Variants in CCNE2 observed in about 807,000 individuals in gnomAD.
CCNE2 encodes the protein cyclin E2, also known as G1/S-specific cyclin-E2.
A neutral mutation model predicts 56.8 loss-of-function variants in CCNE2; 18 were observed. That is an observed-to-expected ratio of 0.32 (90% CI 0.22 to 0.47). The LOEUF (loss-of-function observed/expected upper bound fraction) is 0.47. Among genes scored for constraint, CCNE2 ranks in the 20% least tolerant of loss-of-function variants. The probability of loss-of-function intolerance (pLI) is 1.00; values close to 1 mark genes in which losing one functional copy is unlikely to be tolerated. For missense variants in CCNE2, 371 were observed against 467.1 expected, an observed-to-expected ratio of 0.79 and a Z score of 1.90; for synonymous variants, 139 against 149.2, an observed-to-expected ratio of 0.93 and a Z score of 0.50.
At chr8:94,896,211 C>T (rs976368884), upstream of CCNE2, among the ~76,000 whole-genome samples, 4 of 150,390 alleles carry the variant, frequency 2.7e-5, no homozygotes, top group Non-Finnish European at 6.0e-5. Context: ...GGGACCTGGC[C>T]GGGTGGGAAG....
chr8:94,891,789 A>G, intron 5 of CCNE2: 1 of 1,491,330 alleles, frequency 6.7e-7, no homozygotes, highest in Non-Finnish European at 9.2e-7. Flanking sequence ...GGGACTGGAC[A>G]CAAGGTTGGT....
At chr8:94,882,753 TAAG>T (rs1322398214) in intron 10 of CCNE2, 25 bp downstream of exon 10, 5 of 1,443,598 alleles carry the variant, frequency 3.5e-6, no homozygotes, top group Non-Finnish European at 4.9e-6. Flanking sequence ...TGTGAAAAGG[TAAG>T]AAGACAACAA....
intron 4 of CCNE2, among the ~76,000 whole-genome samples, chr8:94,893,245 C>T (rs1361836512): frequency 6.6e-6 from 1 of 151,272 alleles, no homozygotes; most frequent in Non-Finnish European, 1.5e-5. Flanking sequence ...CAAAATGCAT[C>T]TGCAGTCTAA....
At chr8:94,895,838 T>C (rs1817493808), upstream of CCNE2, 1 of 152,576 alleles carries the variant, frequency 6.6e-6, no homozygotes, top group African/African-American at 2.4e-5. Context: ...GGCTCTGCTC[T>C]CCCCAGTCCC....
rs756582945 is a variant in CCNE2 at position 94,883,574 on chromosome 8, AG to A, written c.832-683del. ...TCAAGAAAGATGAGGGGTGGTGGCT[AG>A]AAAGAGGCATGGTCTAGATTGGATC... On this transcript the variant is annotated intron_variant, in intron 9 of 11. Coordinates refer to ENST00000308108, the MANE Select transcript of CCNE2 (RefSeq NM_057749.3). The A allele has an allele frequency of 2.2e-4, 41 of 183,612 alleles. 1 individual carries two copies. The highest frequency in any genetic ancestry group is 7.5e-4 in the Admixed American group (14 of 18,612). 11.4% of individuals were successfully genotyped at this position (183,612 alleles called of 1,614,324 possible).
intron 7 of CCNE2, among the ~76,000 whole-genome samples, chr8:94,886,710 C>G (rs943048146): frequency 6.6e-6 from 1 of 152,186 alleles, no homozygotes; most frequent in Non-Finnish European, 1.5e-5. Context: ...AAAACAAAAG[C>G]AAAGCACCCA....
At chr8:94,896,312 C>A, upstream of CCNE2, 1 of 147,780 alleles carries the variant, frequency 6.8e-6, no homozygotes, top group South Asian at 1.9e-4. Flanking sequence ...CCGCGCGAGC[C>A]GGCAGCGCGG....
intron 9 of CCNE2, among the ~76,000 whole-genome samples, chr8:94,883,299 A>C (rs1025552941): frequency 6.6e-6 from 1 of 151,864 alleles, no homozygotes; most frequent in Non-Finnish European, 1.5e-5. Context: ...ACAAGCCACC[A>C]ACCTGAAGGA....
At chr8:94,890,288 G>A (rs1817182399) in intron 6 of CCNE2, 127 bp downstream of exon 6, 2 of 723,930 alleles carry the variant, frequency 2.8e-6, no homozygotes, top group South Asian at 2.7e-5. Flanking sequence ...ACTACAGTAA[G>A]TACCTCAAAA....
chr8:94,885,719 T>TTTTC (rs1376120939), intron 7 of CCNE2, among the ~76,000 whole-genome samples, 161 bp from the exon 8 acceptor site: 9 of 149,460 alleles, frequency 6.0e-5, no homozygotes, highest in Non-Finnish European at 8.9e-5. Flanking sequence ...AAAAAGTACA[T>TTTTC]TTTCTTTCTT....
rs1439049669 is a variant in CCNE2, at chr8:94,884,952, A to G, written c.831+115T>C. The G allele has an allele frequency of 1.1e-5, 10 of 876,090 alleles. No individual in the cohort carries two copies. In the South Asian group the frequency reaches 1.7e-4, roughly 15 times the overall value. The allele number at this position is 876,090 out of a possible 1,614,324, so 54.3% of individuals were successfully genotyped here. ...CTTTATGCGTCAAAAGTTTTGTTCT[A>G]GAATTAAGGAGTGAAGTCAATATGT... On this transcript the variant is annotated intron_variant, in intron 9 of 11. Coordinates refer to ENST00000308108, the MANE Select transcript of CCNE2 (RefSeq NM_057749.3).
intron 1 of CCNE2, among the ~76,000 whole-genome samples, chr8:94,894,958 A>G (rs528990449): frequency 1.3e-5 from 2 of 152,246 alleles, no homozygotes; most frequent in East Asian, 3.9e-4. Flanking sequence ...GGTGGGATAG[A>G]GAAGCCCCTA....
intron 4 of CCNE2, among the ~76,000 whole-genome samples, chr8:94,893,341 C>T (rs1817317219): frequency 1.4e-5 from 2 of 147,694 alleles, no homozygotes; most frequent in Non-Finnish European, 1.5e-5. Context: ...TTCAAATAAG[C>T]TCTTTTTAAA....
upstream of CCNE2, chr8:94,895,773 A>G (rs1243386496): frequency 6.6e-6 from 1 of 152,330 alleles, no homozygotes; most frequent in Admixed American, 6.5e-5. Flanking sequence ...CGGCAGCACA[A>G]CGTGGAGTGG....
Position 94,893,031 on chromosome 8 carries a change from A to C in CCNE2, c.166-62T>G, listed in dbSNP as rs575155462. 1.3e-5 allele frequency: 17 copies of C among 1,310,854 alleles called. No homozygotes were observed. The African/African-American group carries it at 2.3e-4, about 18-fold the overall frequency. 81.2% of individuals were successfully genotyped at this position (1,310,854 alleles called of 1,614,324 possible). A position where few individuals can be genotyped will look rare whatever the true frequency, so the allele number is the denominator to read the frequency against. ...AGGAAAACCTTAGTTTTTGTAATGG[A>C]TCTTTCATAAATGAAAGCTAATATG... On this transcript the variant is annotated intron_variant, in intron 4 of 11. Coordinates refer to ENST00000308108, the MANE Select transcript of CCNE2 (RefSeq NM_057749.3).
chr8:94,885,045 G>GA, intron 9 of CCNE2, 22 bp downstream of exon 9: 1 of 1,604,940 alleles, frequency 6.2e-7, no homozygotes, highest in Non-Finnish European at 8.5e-7. Context: ...CATTACCATT[G>GA]AATCAATAAA....
At position 94,882,307 on chromosome 8, in the gene CCNE2, A is replaced by G; in HGVS notation, c.944-18T>C. ...CTCCAAACCTAGATAGATAGAAAAA[A>G]GTTAGAAAAGCATGAAGGTTGTACA... On this transcript the variant is annotated intron_variant, in intron 10 of 11. Coordinates refer to ENST00000308108, the MANE Select transcript of CCNE2 (RefSeq NM_057749.3). 6.4e-7 allele frequency: 1 copy of G among 1,568,662 alleles called. No homozygotes were observed.
chr8:94,891,857 CT>C lies in CCNE2; in HGVS notation c.317+960del, dbSNP rs903165087. The C allele has an allele frequency of 5.5e-5, 84 of 1,515,464 alleles. No homozygotes were observed. In the African/African-American group the frequency reaches 1.1e-3, roughly 20 times the overall value. The allele number at this position is 1,515,464 out of a possible 1,614,324, so 93.9% of individuals were successfully genotyped here. A position where few individuals can be genotyped will look rare whatever the true frequency, so the allele number is the denominator to read the frequency against. On this transcript the variant is annotated intron_variant, in intron 5 of 11. Coordinates refer to ENST00000308108, the MANE Select transcript of CCNE2 (RefSeq NM_057749.3). ...ATGCTTAAAAATGCAGAGAGTAATG[CT>C]GAACTTAAGAGTTTAGATGTAGATT...
At chr8:94,883,193 G>A (rs1449220603) in intron 9 of CCNE2, among the ~76,000 whole-genome samples, 2 of 151,826 alleles carry the variant, frequency 1.3e-5, no homozygotes, top group South Asian at 2.1e-4. Flanking sequence ...GGAGAATGGC[G>A]TGAACCCGGG....
Sources: gnomAD v4.1 joint callset for allele counts (sites outside exome capture counted in the v4.1 genomes callset) on GRCh38, gnomAD v4.1.1 for gene constraint, MANE v1.5 for transcripts, NCBI Gene and HGNC (gene_info 2026-07-23, HGNC 2026-07-21) for gene names.